The following STAT2 variants were observed in gnomAD, a reference collection of about 807,000 sequenced individuals.
STAT2 encodes signal transducer and activator of transcription 2, also known as interferon alpha induced transcriptional activator.
Under a neutral mutation model 122.3 loss-of-function variants are expected in STAT2, and 51 were observed. That is an observed-to-expected ratio of 0.42 (90% confidence interval 0.33 to 0.53). STAT2 has a LOEUF of 0.53. Among genes scored for constraint, STAT2 ranks in the 20% least tolerant of loss-of-function variants. STAT2 has a pLI of 0.10. For synonymous variants in STAT2, 351 were observed against 394.9 expected (o/e 0.89, Z 1.32); for missense variants, 736 against 1,010.3 (o/e 0.73, Z 3.68).
intron 22 of STAT2, among the ~76,000 whole-genome samples, chr12:56,344,956 T>C (rs1877127404): frequency 6.6e-6 from 1 of 151,110 alleles, no homozygotes; most frequent in Admixed American, 6.6e-5. Context: ...TGCAGTGAGC[T>C]GAGATCGTGC....
At chr12:56,345,072 G>A (rs941977928) in intron 22 of STAT2, among the ~76,000 whole-genome samples, 4 of 150,842 alleles carry the variant, frequency 2.7e-5, no homozygotes, top group African/African-American at 9.8e-5. Context: ...TACTCAGTAG[G>A]CTGAGGCAGG....
chr12:56,346,997 T>C, intron 19 of STAT2, 42 bp from the exon 20 acceptor site: 1 of 1,603,242 alleles, frequency 6.2e-7, no homozygotes, highest in Non-Finnish European at 8.5e-7. Context: ...CCCAACACCC[T>C]GCCCCACCAG....
At chr12:56,355,666 C>T in intron 4 of STAT2, 42 bp downstream of exon 4, 1 of 1,603,936 alleles carries the variant, frequency 6.2e-7, no homozygotes, top group African/African-American at 1.3e-5. Flanking sequence ...TGGTTCCTCT[C>T]TACTTCAGGA....
Position 56,351,182 on chromosome 12 carries a change from A to G in STAT2, c.950T>C (p.Val317Ala). Reference sequence around the variant, plus strand: ...GGGCATGCAGGGCTGGGTTTCTACCACAAAGGCTCTGAGGAGAGAGAGGTG... The same window carrying G: ...GGGCATGCAGGGCTGGGTTTCTACCGCAAAGGCTCTGAGGAGAGAGAGGTG... ...LLQRLLHRAFVVETQPCMPQT... is the reference protein window; with the variant it reads ...LLQRLLHRAFAVETQPCMPQT... The change falls in exon 10 of 24, where the codon GTG becomes GCG. Residue 317 changes from valine (V) to alanine (A), a missense_variant. Transcript: ENST00000314128. 6.2e-7 allele frequency: 1 copy of G among 1,613,896 alleles called. No individual in the cohort carries two copies.
intron 21 of STAT2, 73 bp downstream of exon 21, chr12:56,346,369 A>G: frequency 6.3e-7 from 1 of 1,586,590 alleles, no homozygotes; most frequent in South Asian, 1.1e-5. Context: ...CATGCTTTAA[A>G]GGAAGGAGTG....
rs780606315 is a variant in STAT2 at position 56,351,345 on chromosome 12, C to A, written c.888G>T (p.Gly296=). The change falls in exon 9 of 24, where the codon GGG becomes GGT. Residue 296 remains glycine, a synonymous_variant. Transcript: ENST00000314128. The stretch of plus-strand genomic sequence containing the variant: ...TGACCTGGGCGTTGCGTAGGTCCAC[C>A]CCTTTGGTCAGAGGGTCATCCTGAT... The part of the protein sequence containing the change: ...VSYQDDPLTK[G]VDLRNAQVTE... The A allele has an allele frequency of 1.2e-6, 2 of 1,614,112 alleles. No individual in the cohort carries two copies. Among genetic ancestry groups the A allele is most frequent in the Non-Finnish European group, 1.7e-6 (2 of 1,180,034 alleles).
Position 56,351,382 on chromosome 12 carries a change from C to T in STAT2, c.851G>A (p.Cys284Tyr). Residue 284 changes from cysteine to tyrosine, a missense_variant, in exon 9 of 24, where the codon TGC becomes TAC. Cys to Tyr is a radical substitution (Grantham distance 194, BLOSUM62 -2). Transcript: ENST00000314128. ...QLLKELKGLS[C>Y]LVSYQDDPLT... ...AGGGTCATCCTGATAGCTAACCAGG[C>T]AACTCAGTCCCTTCAGCTCCTTCAG... 1 of 1,614,118 alleles carries T rather than the reference C, an allele frequency of 6.2e-7. No homozygotes were observed. The highest frequency in any genetic ancestry group is 1.1e-5 in the South Asian group (1 of 91,084).
At chr12:56,343,707 C>T (rs1337449901) in intron 23 of STAT2, 118 bp downstream of exon 23, 1 of 1,539,032 alleles carries the variant, frequency 6.5e-7, no homozygotes, top group Non-Finnish European at 8.8e-7. Flanking sequence ...AAAGGAATCA[C>T]AGAATGGACC....
At chr12:56,350,703 T>C in intron 11 of STAT2, 126 bp downstream of exon 11, 1 of 1,075,568 alleles carries the variant, frequency 9.3e-7, no homozygotes, top group East Asian at 2.4e-5. Context: ...AGAAATGAAT[T>C]ATAATTTCTG....
At chr12:56,354,019 AT>A (rs1879077986) in intron 8 of STAT2, among the ~76,000 whole-genome samples, 1 of 54,436 alleles carries the variant, frequency 1.8e-5, no homozygotes, top group African/African-American at 4.6e-5. Context: ...AAAAAAAAAT[AT>A]ATATATATAT....
Position 56,348,673 on chromosome 12 carries a change from T to C in STAT2, c.1630-50A>G, listed in dbSNP as rs77088293. 3.7e-3 allele frequency: 6,029 copies of C among 1,613,782 alleles called. 13 individuals carry two copies. Among genetic ancestry groups the C allele is most frequent in the Non-Finnish European group, 4.6e-3 (5,395 of 1,179,832 alleles). On this transcript the variant is annotated intron_variant, in intron 18 of 23. Transcript: ENST00000314128. ...AAAAGCTGAGGAGTTGCCTCTGGTG[T>C]AGGGAAGGAGGGACGTGGGAAGGCC...
intron 6 of STAT2, 159 bp downstream of exon 6, chr12:56,355,117 C>T: frequency 2.3e-6 from 2 of 855,510 alleles, no homozygotes; most frequent in South Asian, 3.3e-5. Context: ...CCAGCTCAGC[C>T]TCCACAAAGC....
chr12:56,355,863 C>T, intron 3 of STAT2, 60 bp from the exon 4 acceptor site: 4 of 1,519,080 alleles, frequency 2.6e-6, no homozygotes, highest in Non-Finnish European at 2.7e-6. Flanking sequence ...ACCTATTGCC[C>T]TAGACCCTCC....
intron 10 of STAT2, 98 bp from the exon 11 acceptor site, chr12:56,350,986 A>G (rs1878379531): frequency 3.2e-6 from 5 of 1,569,004 alleles, no homozygotes; most frequent in African/African-American, 1.4e-5. Flanking sequence ...AGAGGTAGGG[A>G]GATTGCAGGG....
intron 1 of STAT2, among the ~76,000 whole-genome samples, chr12:56,359,805 C>T (rs1880100001): frequency 6.6e-6 from 1 of 152,094 alleles, no homozygotes; most frequent in African/African-American, 2.4e-5. Context: ...CGTCAGATAC[C>T]GAACCAACAT....
intron 19 of STAT2, 64 bp downstream of exon 19, chr12:56,348,465 C>T: frequency 1.3e-6 from 2 of 1,535,446 alleles, no homozygotes; most frequent in Non-Finnish European, 1.8e-6. Context: ...CGTGAGGGTG[C>T]AGAGACTCCA....
chr12:56,356,620 G>A, intron 1 of STAT2, 42 bp from the exon 2 acceptor site: 1 of 1,603,168 alleles, frequency 6.2e-7, no homozygotes, highest in Non-Finnish European at 8.5e-7. Context: ...ATATTTTGCT[G>A]GACTAAATCA....
At chr12:56,354,008 A>ATATATATATATATATATAT (rs1555171442) in intron 8 of STAT2, among the ~76,000 whole-genome samples, 3 of 19,802 alleles carry the variant, frequency 1.5e-4, no homozygotes, top group Non-Finnish European at 2.8e-4. Context: ...AAAAAAAAAA[A>ATATATATATATATATATAT]AAAAAAAAAT....
In STAT2 at chr12:56,349,066, G is replaced by T; in HGVS notation, c.1441-7C>A. The T allele has an allele frequency of 6.2e-7, 1 of 1,613,004 alleles. No individual in the cohort carries two copies. Among genetic ancestry groups the T allele is most frequent in the South Asian group, 1.1e-5 (1 of 91,012 alleles). On this transcript the variant is annotated splice_region_variant and splice_polypyrimidine_tract_variant and intron_variant, in intron 16 of 23. Transcript: ENST00000314128. ...TGGAGAAGAACTGCTGGTTCTGCAG[G>T]GGTGGGAGCAGTGTAGGCTGGCTCA... is the stretch of plus-strand genomic sequence containing the variant.
Sources: gnomAD v4.1 joint callset for allele counts (sites outside exome capture counted in the v4.1 genomes callset) on GRCh38, gnomAD v4.1.1 for gene constraint, MANE v1.5 for transcripts, NCBI Gene and HGNC (gene_info 2026-07-23, HGNC 2026-07-21) for gene names.